The following GREB1L variants were observed in gnomAD, a reference collection of about 807,000 sequenced individuals.
GREB1L encodes GREB1-like protein.
A neutral mutation model predicts 200.8 loss-of-function variants in GREB1L; 17 were observed. The observed-to-expected ratio is 0.08, with a 90% CI of 0.06 to 0.13. The LOEUF is 0.13. GREB1L is among the 10% of genes least tolerant of loss of function. The pLI, the probability that GREB1L is intolerant of heterozygous loss-of-function variation, is 1.00. For missense variants in GREB1L, 1,657 were observed against 2,367.7 expected (o/e 0.70, Z 6.23); for synonymous variants, 789 against 893.0 (o/e 0.88, Z 2.08).
At chr18:21,381,040 A>C (rs1165892475) in intron 2 of GREB1L, among the ~76,000 whole-genome samples, 2 of 152,206 alleles carry the variant, frequency 1.3e-5, no homozygotes, top group African/African-American at 4.8e-5. Flanking sequence ...CAGGTGATCG[A>C]GACCATCCTG....
At chr18:21,401,105 A>G in intron 5 of GREB1L, 45 bp from the exon 6 acceptor site, 1 of 1,450,090 alleles carries the variant, frequency 6.9e-7, no homozygotes, top group Non-Finnish European at 9.5e-7. Flanking sequence ...AAAGTATTGT[A>G]TCAACTTACA....
chr18:21,290,946 C>T (rs946367572), intron 1 of GREB1L, among the ~76,000 whole-genome samples: 6 of 151,772 alleles, frequency 4.0e-5, no homozygotes, highest in African/African-American at 7.3e-5. Flanking sequence ...GTTTATATAA[C>T]GAGACTTCCC....
chr18:21,244,607 T>C (rs1316910030), intron 1 of GREB1L, among the ~76,000 whole-genome samples: 1 of 152,198 alleles, frequency 6.6e-6, no homozygotes, highest in Non-Finnish European at 1.5e-5. Flanking sequence ...AAGATAACCA[T>C]TGGACTGTGG....
At chr18:21,309,181 C>A (rs2038751484) in intron 1 of GREB1L, among the ~76,000 whole-genome samples, 1 of 152,222 alleles carries the variant, frequency 6.6e-6, no homozygotes. Context: ...CACTATAGGG[C>A]AACTCTTAAG....
rs73425747 is a variant in GREB1L, at chr18:21,452,452, T to C, written c.1984+235T>C. The C allele has an allele frequency of 3.3e-3, 1,495 of 454,834 alleles. 24 individuals are homozygous for C. The highest frequency in any genetic ancestry group is 0.028 in the African/African-American group (1,384 of 49,756). 28.2% of individuals were successfully genotyped at this position (454,834 alleles called of 1,614,324 possible). A position where few individuals can be genotyped will look rare whatever the true frequency, so the allele number is the denominator to read the frequency against. The stretch of plus-strand genomic sequence containing the variant: ...ATGAAAATCAAAGTCAAAGACTTTA[T>C]CTTAAGCACTCTCTCTTTTTTCTCT... On this transcript the variant is annotated intron_variant, in intron 14 of 32. Coordinates refer to ENST00000424526, the MANE Select transcript of GREB1L (RefSeq NM_001142966.3).
rs2036698058 is a variant in GREB1L at position 21,499,768 on chromosome 18, C to G, written c.3431C>G (p.Ala1144Gly). The change falls in exon 22 of 33, where the codon GCT (alanine) becomes GGT (glycine). Residue 1144 changes from alanine (A) to glycine (G), a missense_variant. Transcript: ENST00000424526. ...AATGGAGTGAGCTCTTCCAGCACAG[C>G]TGACAAGTCCCAGAAGCAGTCCCTG... Reference protein sequence around the residue: ...MENGVSSSSTADKSQKQSLTP... With the variant: ...MENGVSSSSTGDKSQKQSLTP... The G allele has an allele frequency of 1.3e-6, 2 of 1,552,112 alleles. No homozygotes were observed. Among genetic ancestry groups the G allele is most frequent in the Non-Finnish European group, 8.7e-7 (1 of 1,147,070 alleles).
chr18:21,333,695 T>C (rs1197697086), intron 1 of GREB1L, among the ~76,000 whole-genome samples: 2 of 149,782 alleles, frequency 1.3e-5, no homozygotes, highest in East Asian at 3.9e-4. Context: ...AAAAAAAGAA[T>C]TCTAGTCTGG....
At chr18:21,254,059 A>ATTTT (rs1289359713) in intron 1 of GREB1L, among the ~76,000 whole-genome samples, 2 of 114,104 alleles carry the variant, frequency 1.8e-5, no homozygotes, top group African/African-American at 9.1e-5. Flanking sequence ...GCTTTCAGGC[A>ATTTT]TATTTTTTTT....
At chr18:21,280,141 G>A (rs2038243695) in intron 1 of GREB1L, among the ~76,000 whole-genome samples, 1 of 152,110 alleles carries the variant, frequency 6.6e-6, no homozygotes, top group Admixed American at 6.5e-5. Flanking sequence ...AGCATATCAT[G>A]CAGGATAGTT....
chr18:21,348,563 T>C (rs920234246), intron 1 of GREB1L, among the ~76,000 whole-genome samples: 11 of 151,650 alleles, frequency 7.3e-5, no homozygotes, highest in African/African-American at 2.7e-4. Context: ...TCACTTGAGG[T>C]CAGGAGTTCG....
At chr18:21,339,478 T>C (rs2145131276) in intron 1 of GREB1L, among the ~76,000 whole-genome samples, 1 of 152,350 alleles carries the variant, frequency 6.6e-6, no homozygotes, top group South Asian at 2.1e-4. Flanking sequence ...CATATTCTTT[T>C]CTGTGACTAT....
chr18:21,299,279 G>GA (rs149142489), intron 1 of GREB1L, among the ~76,000 whole-genome samples: 1,061 of 100,886 alleles, frequency 0.011, 12 homozygotes, highest in Middle Eastern at 0.042. Flanking sequence ...ACTCAGTCTC[G>GA]AAAAAAAAAA....
intron 1 of GREB1L, among the ~76,000 whole-genome samples, chr18:21,248,009 T>G (rs2037636185): frequency 6.6e-6 from 1 of 152,236 alleles, no homozygotes; most frequent in African/African-American, 2.4e-5. Context: ...CTCCTAATAG[T>G]TAAATATTAG....
intron 7 of GREB1L, among the ~76,000 whole-genome samples, chr18:21,419,446 A>G (rs1192560047): frequency 6.6e-6 from 1 of 152,070 alleles, no homozygotes; most frequent in African/African-American, 2.4e-5. Context: ...TACAGGGACA[A>G]CTGACTTTTT....
intron 17 of GREB1L, among the ~76,000 whole-genome samples, chr18:21,484,318 G>T (rs1045005082): frequency 6.6e-6 from 1 of 150,942 alleles, no homozygotes; most frequent in Admixed American, 6.6e-5. Flanking sequence ...GGGTCTGTAG[G>T]CACCCGCCAC....
At chr18:21,419,562 G>T (rs568642943) in intron 7 of GREB1L, among the ~76,000 whole-genome samples, 1 of 152,256 alleles carries the variant, frequency 6.6e-6, no homozygotes, top group African/African-American at 2.4e-5. Context: ...GGATTCTCCA[G>T]CCTCAGCTAC....
chr18:21,431,706 T>C (rs2033162272), intron 7 of GREB1L, among the ~76,000 whole-genome samples: 1 of 152,122 alleles, frequency 6.6e-6, no homozygotes, highest in South Asian at 2.1e-4. Context: ...TTATTGAAAG[T>C]GGGGTATTGA....
At chr18:21,300,625 A>T (rs1279924933) in intron 1 of GREB1L, among the ~76,000 whole-genome samples, 4 of 152,202 alleles carry the variant, frequency 2.6e-5, no homozygotes, top group Admixed American at 6.5e-5. Flanking sequence ...ACCCAACATA[A>T]GCAGAAAGAA....
intron 7 of GREB1L, among the ~76,000 whole-genome samples, chr18:21,414,795 C>T (rs897529905): frequency 2.6e-5 from 4 of 152,112 alleles, no homozygotes; most frequent in Non-Finnish European, 4.4e-5. Context: ...AACATTTGCT[C>T]CTGGCCCAAA....
Sources: allele counts gnomAD v4.1 joint callset (sites outside exome capture counted in the v4.1 genomes callset), GRCh38; gene constraint gnomAD v4.1.1; transcripts MANE v1.5; gene names NCBI Gene and HGNC (gene_info 2026-07-23, HGNC 2026-07-21).